CD84: variants seen among roughly 807,000 people sequenced by gnomAD.
CD84 encodes the protein SLAM family member 5.
A neutral mutation model predicts 33.8 loss-of-function variants in CD84; 22 were observed. The observed-to-expected ratio is 0.65, with a 90% confidence interval of 0.46 to 0.93. CD84 has a LOEUF of 0.93. Ranked by LOEUF, CD84 falls within the 40% of genes least tolerant of loss-of-function variation. The probability of loss-of-function intolerance (pLI) is 0.00; values close to 1 mark genes in which losing one functional copy is unlikely to be tolerated. For missense variants in CD84, 400 were observed against 397.6 expected, an observed-to-expected ratio of 1.01 and a Z score of -0.05; for synonymous variants, 154 against 145.2, an observed-to-expected ratio of 1.06 and a Z score of -0.44.
At chr1:160,550,868 C>T in intron 5 of CD84, 70 bp downstream of exon 5, 1 of 1,605,156 alleles carries the variant, frequency 6.2e-7, no homozygotes, top group Non-Finnish European at 8.5e-7. Flanking sequence ...CAAGCAGAGG[C>T]AATGGCTGCC....
intron 2 of CD84, among the ~76,000 whole-genome samples, chr1:160,559,511 C>T (rs531811978): frequency 6.6e-6 from 1 of 152,270 alleles, no homozygotes; most frequent in South Asian, 2.1e-4. Context: ...AAACAGGTAC[C>T]AGCCACTACA....
At chr1:160,566,060 G>A (rs1212941477) in intron 1 of CD84, among the ~76,000 whole-genome samples, 2 of 152,138 alleles carry the variant, frequency 1.3e-5, no homozygotes, top group African/African-American at 4.8e-5. Flanking sequence ...AAGCCTCCAC[G>A]TAGTCTAAGA....
intron 5 of CD84, 52 bp from the exon 6 acceptor site, chr1:160,550,031 G>C (rs765243894): frequency 1.9e-6 from 2 of 1,080,296 alleles, no homozygotes; most frequent in Non-Finnish European, 2.8e-6. Flanking sequence ...CCATCTACAA[G>C]TCCCCTTTCC....
intron 6 of CD84, among the ~76,000 whole-genome samples, chr1:160,548,712 G>T (rs1168966665): frequency 6.6e-6 from 1 of 152,036 alleles, no homozygotes; most frequent in Non-Finnish European, 1.5e-5. Flanking sequence ...TACATAGTGG[G>T]GACTCACTGC....
intron 2 of CD84, among the ~76,000 whole-genome samples, chr1:160,555,800 A>G (rs1004545560): frequency 1.3e-5 from 2 of 152,232 alleles, no homozygotes; most frequent in South Asian, 4.1e-4. Flanking sequence ...AAGTGTAGAC[A>G]CAAGATATAA....
chr1:160,565,889 A>G, intron 1 of CD84, 144 bp from the exon 2 acceptor site: 1 of 620,068 alleles, frequency 1.6e-6, no homozygotes. Flanking sequence ...TTTTTTTGGC[A>G]TTCTACTCTA....
intron 1 of CD84, among the ~76,000 whole-genome samples, chr1:160,566,133 C>T (rs1657311104): frequency 6.6e-6 from 1 of 152,140 alleles, no homozygotes; most frequent in Non-Finnish European, 1.5e-5. Flanking sequence ...GAACAAGAAC[C>T]TGGAATATCT....
intron 1 of CD84, chr1:160,571,586 A>G (rs76163220): frequency 0.038 from 5,721 of 152,288 alleles, 179 homozygotes; most frequent in African/African-American, 0.075. Context: ...TGACAGTGAA[A>G]GAAGGGTGAT....
chr1:160,579,334 G>A, intron 1 of CD84, 58 bp downstream of exon 1: 1 of 1,611,226 alleles, frequency 6.2e-7, no homozygotes, highest in South Asian at 1.1e-5. Flanking sequence ...CTTCCTTAAG[G>A]GCAATTTTTA....
chr1:160,550,835 C>T (rs1035087835), intron 5 of CD84, 103 bp downstream of exon 5: 73 of 1,573,336 alleles, frequency 4.6e-5, no homozygotes, highest in African/African-American at 5.5e-5. Context: ...GACTCTTGGC[C>T]GTGGCTGCTT....
chr1:160,562,428 A>T (rs7547054), intron 2 of CD84, among the ~76,000 whole-genome samples: 60,717 of 151,864 alleles, frequency 0.4, 13,608 homozygotes, highest in African/African-American at 0.6. Flanking sequence ...ACCACACACC[A>T]GCAATTATCA....
chr1:160,548,581 G>T (rs1029408942), intron 6 of CD84, among the ~76,000 whole-genome samples: 1 of 152,082 alleles, frequency 6.6e-6, no homozygotes, highest in Non-Finnish European at 1.5e-5. Flanking sequence ...GGGGGCGGGG[G>T]CATATTTGGA....
chr1:160,565,480 T>C lies in CD84; in HGVS notation c.312A>G (p.Ala104=), dbSNP rs752621604. The C allele has an allele frequency of 1.9e-6, 3 of 1,613,852 alleles. No individual in the cohort carries two copies. Among genetic ancestry groups the C allele is most frequent in the South Asian group, 2.2e-5 (2 of 91,078 alleles). ...LVISDLRMED[A]GDYKADINTQ... ...TATTTATGTCTGCTTTGTAGTCTCC[T>C]GCGTCTTCCATCCTCAGATCGCTAA... Residue 104 remains alanine (A), a synonymous_variant, in exon 2 of 7, where the codon GCA becomes GCG. Coordinates refer to ENST00000368054, the MANE Select transcript of CD84 (RefSeq NM_003874.4).
intron 1 of CD84, among the ~76,000 whole-genome samples, chr1:160,577,826 A>T (rs973359137): frequency 6.6e-6 from 1 of 152,202 alleles, no homozygotes; most frequent in Admixed American, 6.5e-5. Flanking sequence ...TGAAGCTGAA[A>T]CAAGAGTCAG....
At chr1:160,572,056 G>A (rs987445538) in intron 1 of CD84, among the ~76,000 whole-genome samples, 1 of 152,212 alleles carries the variant, frequency 6.6e-6, no homozygotes, top group African/African-American at 2.4e-5. Flanking sequence ...TATTAAAGAC[G>A]GTGATAGGAA....
intron 5 of CD84, chr1:160,550,668 C>T (rs920522476): frequency 8.3e-5 from 82 of 985,288 alleles, no homozygotes; most frequent in Non-Finnish European, 9.5e-5. Flanking sequence ...TGCTCCTAGT[C>T]ATGGCTCATC....
chr1:160,551,246 C>G (rs905462923), intron 4 of CD84: 3 of 528,576 alleles, frequency 5.7e-6, no homozygotes, highest in Middle Eastern at 5.3e-4. Context: ...TTCTCTTCTA[C>G]TCTAGAGTCC....
Position 160,553,868 on chromosome 1 carries a change from C to A in CD84, c.640+27G>T. On this transcript the variant is annotated intron_variant, in intron 3 of 6. Coordinates refer to ENST00000368054, the MANE Select transcript of CD84 (RefSeq NM_003874.4). ...TCCTCAGAGTGATCTCTGAGACTCA[C>A]CAGGAGAGATGGGCAGAGCTGGTTA... 1.9e-6 allele frequency: 3 copies of A among 1,614,096 alleles called. No individual in the cohort carries two copies. The South Asian group carries it at 3.3e-5, about 18-fold the overall frequency.
chr1:160,551,487 G>A (rs1231081706), intron 4 of CD84: 1 of 175,198 alleles, frequency 5.7e-6, no homozygotes, highest in Non-Finnish European at 1.2e-5. Context: ...TCAATGTTAA[G>A]CCCATAGTAG....
Sources: allele counts gnomAD v4.1 joint callset (sites outside exome capture counted in the v4.1 genomes callset), GRCh38; gene constraint gnomAD v4.1.1; transcripts MANE v1.5; gene names NCBI Gene and HGNC (gene_info 2026-07-23, HGNC 2026-07-21).